The following PTPRD variants were observed in gnomAD, a reference collection of about 807,000 sequenced individuals.
The protein encoded by PTPRD is receptor-type tyrosine-protein phosphatase delta.
Under a neutral mutation model 214.5 loss-of-function variants are expected in PTPRD, and 34 were observed. That is an observed-to-expected ratio of 0.16 (90% CI 0.12 to 0.21). The LOEUF is 0.21. Ranked by LOEUF, PTPRD falls within the 10% of genes least tolerant of loss-of-function variation. The pLI, the probability that PTPRD is intolerant of heterozygous loss-of-function variation, is 1.00. For synonymous variants in PTPRD, 1,128 were observed against 845.7 expected (o/e 1.33, Z -5.79); for missense variants, 2,545 against 2,398.7 (o/e 1.06, Z -1.27).
chr9:8,496,942 C>T (rs1302956243), intron 26 of PTPRD, among the ~76,000 whole-genome samples: 1 of 152,154 alleles, frequency 6.6e-6, no homozygotes, highest in Non-Finnish European at 1.5e-5. Context: ...AAAGATTAGA[C>T]AACACCCCTG....
At chr9:10,164,280 G>C (rs1227540558) in intron 3 of PTPRD, among the ~76,000 whole-genome samples, 3 of 151,502 alleles carry the variant, frequency 2.0e-5, no homozygotes, top group Non-Finnish European at 4.4e-5. Context: ...AGGGCCATAA[G>C]ATTACACACT....
chr9:10,089,549 T>C (rs1262114037), intron 3 of PTPRD, among the ~76,000 whole-genome samples: 1 of 151,616 alleles, frequency 6.6e-6, no homozygotes, highest in African/African-American at 2.4e-5. Context: ...TGAGGTAAAC[T>C]GAGTTAAAAA....
At chr9:9,226,070 C>T (rs2099959275) in intron 9 of PTPRD, among the ~76,000 whole-genome samples, 1 of 151,966 alleles carries the variant, frequency 6.6e-6, no homozygotes, top group African/African-American at 2.4e-5. Flanking sequence ...TCAAATTTAT[C>T]AGTATCTAAA....
intron 7 of PTPRD, among the ~76,000 whole-genome samples, chr9:9,649,101 C>T (rs1395937604): frequency 6.6e-6 from 1 of 152,068 alleles, no homozygotes; most frequent in South Asian, 2.1e-4. Flanking sequence ...CAAACCAAGA[C>T]GCAGTGTTAT....
At chr9:10,080,721 T>A (rs1343878055) in intron 3 of PTPRD, among the ~76,000 whole-genome samples, 4 of 152,114 alleles carry the variant, frequency 2.6e-5, no homozygotes, top group African/African-American at 4.8e-5. Flanking sequence ...TTTCTTTTCT[T>A]TATAGGGACT....
At chr9:9,002,813 C>T (rs1174859840) in intron 11 of PTPRD, among the ~76,000 whole-genome samples, 1 of 152,026 alleles carries the variant, frequency 6.6e-6, no homozygotes, top group African/African-American at 2.4e-5. Flanking sequence ...GAGATTGGAG[C>T]CCTGCTCATT....
At chr9:9,848,923 G>T (rs1205609836) in intron 5 of PTPRD, among the ~76,000 whole-genome samples, 2 of 151,758 alleles carry the variant, frequency 1.3e-5, no homozygotes, top group Non-Finnish European at 2.9e-5. Context: ...TGAGCACTTT[G>T]GTAATTTCTA....
chr9:9,426,556 T>C (rs1445285265), intron 8 of PTPRD, among the ~76,000 whole-genome samples: 4 of 152,096 alleles, frequency 2.6e-5, no homozygotes, highest in Non-Finnish European at 5.9e-5. Context: ...TTGAAGAGTG[T>C]AGTGGATCTC....
intron 8 of PTPRD, among the ~76,000 whole-genome samples, chr9:9,514,798 T>C (rs1367883540): frequency 6.6e-6 from 1 of 152,038 alleles, no homozygotes; most frequent in East Asian, 1.9e-4. Flanking sequence ...CTCTGAGGCT[T>C]CAACTGCCTT....
intron 34 of PTPRD, among the ~76,000 whole-genome samples, chr9:8,440,724 T>C (rs138093792): frequency 6.6e-6 from 1 of 152,306 alleles, no homozygotes; most frequent in Non-Finnish European, 1.5e-5. Flanking sequence ...GTCACTGAAA[T>C]CTGCCTTAGG....
At chr9:9,934,901 G>C (rs2153946062) in intron 5 of PTPRD, among the ~76,000 whole-genome samples, 1 of 152,228 alleles carries the variant, frequency 6.6e-6, no homozygotes, top group African/African-American at 2.4e-5. Flanking sequence ...CTTCATCCCT[G>C]GGATGCAAGG....
chr9:10,261,528 T>G (rs1025277944), intron 3 of PTPRD, among the ~76,000 whole-genome samples: 2 of 151,804 alleles, frequency 1.3e-5, no homozygotes, highest in African/African-American at 2.4e-5. Flanking sequence ...TCAAAGAATG[T>G]TGTGTGTGTG....
intron 4 of PTPRD, among the ~76,000 whole-genome samples, chr9:9,968,287 G>A (rs1566811937): frequency 6.6e-6 from 1 of 152,144 alleles, no homozygotes. Flanking sequence ...TTGACTAAAA[G>A]TGATAATGAC....
rs1001129096 is a variant in PTPRD at position 8,606,047 on chromosome 9, T to C, written c.352+27270A>G. Among the ~76,000 whole-genome samples the C allele has an allele frequency of 3.3e-5, 5 of 152,280 alleles. No individual in the cohort carries two copies. In the South Asian group the frequency reaches 1.0e-3, roughly 32 times the overall value. On this transcript the variant is annotated intron_variant, in intron 14 of 45. Coordinates refer to ENST00000381196, the MANE Select transcript of PTPRD (RefSeq NM_002839.4). ...CTAAACTAAAAGGATCCTTATTTCA[T>C]TCCATTTTATGCTTTATAAGCACAA...
chr9:8,455,292 T>G (rs1267889999), intron 33 of PTPRD, among the ~76,000 whole-genome samples: 1 of 152,198 alleles, frequency 6.6e-6, no homozygotes, highest in East Asian at 1.9e-4. Context: ...GAAAAACATT[T>G]TATTACCAGC....
chr9:9,616,272 T>G (rs1485879201), intron 7 of PTPRD, among the ~76,000 whole-genome samples: 2 of 152,180 alleles, frequency 1.3e-5, no homozygotes, highest in South Asian at 2.1e-4. Flanking sequence ...CCAAAATTAT[T>G]TTTTGTTTAC....
At chr9:9,450,108 G>C (rs1264639354) in intron 8 of PTPRD, among the ~76,000 whole-genome samples, 1 of 77,166 alleles carries the variant, frequency 1.3e-5, no homozygotes, top group East Asian at 3.6e-4. Context: ...GTGTGTGTGT[G>C]TGTGTGTGTG....
At chr9:9,911,169 G>A (rs1039770709) in intron 5 of PTPRD, among the ~76,000 whole-genome samples, 1 of 151,932 alleles carries the variant, frequency 6.6e-6, no homozygotes, top group Non-Finnish European at 1.5e-5. Flanking sequence ...CACATTTCTA[G>A]CTTTAGTTTG....
chr9:9,854,811 T>C (rs1400370176), intron 5 of PTPRD, among the ~76,000 whole-genome samples: 1 of 152,208 alleles, frequency 6.6e-6, no homozygotes, highest in African/African-American at 2.4e-5. Flanking sequence ...ACAGTGTTTC[T>C]GGGTGTAATT....
Sources: gnomAD v4.1 joint callset for allele counts (sites outside exome capture counted in the v4.1 genomes callset) on GRCh38, gnomAD v4.1.1 for gene constraint, MANE v1.5 for transcripts, NCBI Gene and HGNC (gene_info 2026-07-23, HGNC 2026-07-21) for gene names.